UGGT2: variants seen among roughly 807,000 people sequenced by gnomAD.
UGGT2 encodes the protein UDP-glucose:glycoprotein glucosyltransferase 2.
UGGT2 carries 180 observed loss-of-function variants against 192.1 expected under a neutral mutation model. The observed-to-expected ratio is 0.94, with a 90% CI of 0.83 to 1.06. The LOEUF (loss-of-function observed/expected upper bound fraction) is 1.06. UGGT2 is among the 50% of genes least tolerant of loss of function. UGGT2 has a pLI of 0.00. For synonymous variants in UGGT2, 580 were observed against 591.0 expected (o/e 0.98, Z 0.27); for missense variants, 1,849 against 1,795.7 (o/e 1.03, Z -0.54).
chr13:95,985,738 C>T (rs942405086), intron 9 of UGGT2, among the ~76,000 whole-genome samples: 6 of 152,134 alleles, frequency 3.9e-5, no homozygotes, highest in Non-Finnish European at 7.4e-5. Context: ...TCTCATAATA[C>T]GTGGTAACTT....
intron 17 of UGGT2, among the ~76,000 whole-genome samples, chr13:95,935,216 A>T (rs2049423314): frequency 6.6e-6 from 1 of 152,052 alleles, no homozygotes; most frequent in Non-Finnish European, 1.5e-5. Context: ...TTGGTACACG[A>T]GGTTTTGATC....
In UGGT2 at chr13:95,884,651, A is replaced by G; in HGVS notation, c.3068T>C (p.Leu1023Pro). ...AGAAACGTCATTAGCCCCTGACATC[A>G]GTTCTGGTTCCAGAACAAAACGGTA... Reference protein sequence around the residue: ...SFYRFVLEPELMSGANDVSSL... With the variant: ...SFYRFVLEPEPMSGANDVSSL... Residue 1023 changes from leucine to proline, a missense_variant, in exon 27 of 39, where the codon CTG becomes CCG. Transcript: ENST00000376747. 6.2e-7 allele frequency: 1 copy of G among 1,613,386 alleles called. No homozygotes were observed.
At chr13:95,835,642 T>G (rs1887197910) in intron 37 of UGGT2, among the ~76,000 whole-genome samples, 1 of 152,228 alleles carries the variant, frequency 6.6e-6, no homozygotes, top group Non-Finnish European at 1.5e-5. Context: ...CAAAATTGTG[T>G]GAATTCTAAC....
At chr13:95,806,675 T>C (rs1293993739) in intron 38 of UGGT2, among the ~76,000 whole-genome samples, 1 of 152,122 alleles carries the variant, frequency 6.6e-6, no homozygotes, top group African/African-American at 2.4e-5. Flanking sequence ...AACAGTATGG[T>C]ACTGGAATAA....
chr13:95,812,555 C>T (rs1205291486), intron 38 of UGGT2, among the ~76,000 whole-genome samples: 2 of 152,106 alleles, frequency 1.3e-5, no homozygotes, highest in Non-Finnish European at 2.9e-5. Context: ...TGAGAGATTA[C>T]AGGCTAAATG....
intron 12 of UGGT2, among the ~76,000 whole-genome samples, chr13:95,955,933 T>A (rs1219301484): frequency 6.6e-6 from 1 of 152,180 alleles, no homozygotes; most frequent in African/African-American, 2.4e-5. Flanking sequence ...TTCATCTGTA[T>A]AATGGGGATG....
At chr13:95,820,703 C>T (rs1318143353) in intron 38 of UGGT2, among the ~76,000 whole-genome samples, 1 of 151,796 alleles carries the variant, frequency 6.6e-6, no homozygotes, top group Non-Finnish European at 1.5e-5. Context: ...GTACCCGTCA[C>T]CTGAGTAGTG....
At chr13:95,834,263 T>C (rs1400460798) in intron 37 of UGGT2, among the ~76,000 whole-genome samples, 3 of 152,098 alleles carry the variant, frequency 2.0e-5, no homozygotes, top group African/African-American at 7.2e-5. Context: ...ATACACTCTA[T>C]AAGCTTTATT....
chr13:95,962,709 C>G (rs1184970888), intron 12 of UGGT2, among the ~76,000 whole-genome samples: 1 of 152,096 alleles, frequency 6.6e-6, no homozygotes, highest in Non-Finnish European at 1.5e-5. Context: ...ACCAGCATTA[C>G]CCGGATACCA....
In UGGT2 at chr13:96,003,972, A is replaced by T. The variant is rs576284702; in HGVS notation, c.661-4665T>A. On this transcript the variant is annotated intron_variant, in intron 5 of 38. Coordinates refer to ENST00000376747, the MANE Select transcript of UGGT2 (RefSeq NM_020121.4). Reference sequence around the variant, plus strand: ...AAGAGATGACAGATTCCTCTAACAAATTTCTAATTCAAAGAATACCTAGTT... The same window carrying T: ...AAGAGATGACAGATTCCTCTAACAATTTTCTAATTCAAAGAATACCTAGTT... Among the ~76,000 whole-genome samples the T allele has an allele frequency of 2.0e-5, 3 of 152,302 alleles. No individual in the cohort carries two copies. In the East Asian group the frequency reaches 5.8e-4, roughly 29 times the overall value.
intron 17 of UGGT2, among the ~76,000 whole-genome samples, chr13:95,932,722 G>A (rs1273907413): frequency 6.6e-6 from 1 of 152,036 alleles, no homozygotes; most frequent in African/African-American, 2.4e-5. Context: ...TGTTGGTTGT[G>A]GGTTTGTCAT....
chr13:95,867,723 G>A (rs1276409179), intron 29 of UGGT2, among the ~76,000 whole-genome samples: 2 of 151,978 alleles, frequency 1.3e-5, no homozygotes, highest in African/African-American at 2.4e-5. Context: ...ATATACCAAG[G>A]CTATCACACA....
intron 5 of UGGT2, among the ~76,000 whole-genome samples, chr13:96,002,079 C>T (rs1297967131): frequency 6.6e-6 from 1 of 152,142 alleles, no homozygotes; most frequent in Non-Finnish European, 1.5e-5. Flanking sequence ...CAAAGTTATA[C>T]ATATATTTTT....
chr13:95,997,471 C>T (rs2051661210), intron 6 of UGGT2, among the ~76,000 whole-genome samples: 3 of 151,912 alleles, frequency 2.0e-5, no homozygotes, highest in South Asian at 4.2e-4. Flanking sequence ...GGTGAAACCT[C>T]GTCTCTACTA....
At chr13:95,982,183 G>C (rs370002164) in intron 10 of UGGT2, among the ~76,000 whole-genome samples, 2 of 152,270 alleles carry the variant, frequency 1.3e-5, no homozygotes, top group South Asian at 2.1e-4. Flanking sequence ...ATAGCAGTTA[G>C]GAAGAAATTA....
In UGGT2 at chr13:95,894,554, A is replaced by C. The variant is rs762700005; in HGVS notation, c.2855+8T>G. On this transcript the variant is annotated splice_region_variant and intron_variant, in intron 24 of 38. Coordinates refer to ENST00000376747, the MANE Select transcript of UGGT2 (RefSeq NM_020121.4). ...AAAAATCACAAACAAATACGAATAC[A>C]TTCTTACCTGTGATTCTCCCTAAGA... 9 of 1,607,160 alleles carry C rather than the reference A, an allele frequency of 5.6e-6. No individual in the cohort carries two copies. The highest frequency in any genetic ancestry group is 7.7e-6 in the Non-Finnish European group (9 of 1,175,404).
rs1323381607 is a variant in UGGT2, at chr13:95,884,681, C to G, written c.3039-1G>C. 6.3e-7 allele frequency: 1 copy of G among 1,596,822 alleles called. No homozygotes were observed. The highest frequency in any genetic ancestry group is 8.5e-7 in the Non-Finnish European group (1 of 1,174,134). On this transcript the variant is annotated splice_acceptor_variant, in intron 26 of 38. Coordinates refer to ENST00000376747, the MANE Select transcript of UGGT2 (RefSeq NM_020121.4). LOFTEE classifies it high-confidence loss of function. ...TGGTTCCAGAACAAAACGGTAAAAG[C>G]TGTTAATAAAACATAAAAATACATA...
chr13:95,856,372 G>C (rs757777903), intron 33 of UGGT2, 32 bp from the exon 34 acceptor site: 12 of 1,573,366 alleles, frequency 7.6e-6, no homozygotes, highest in Non-Finnish European at 1.0e-5. Context: ...CAAACAATAT[G>C]TTCAAGAGAA....
intron 1 of UGGT2, among the ~76,000 whole-genome samples, chr13:96,032,810 T>G (rs1242096344): frequency 6.6e-6 from 1 of 152,170 alleles, no homozygotes; most frequent in East Asian, 1.9e-4. Flanking sequence ...ATTAACTAAT[T>G]CTTGTGAGTC....
Sources: allele counts gnomAD v4.1 joint callset (sites outside exome capture counted in the v4.1 genomes callset), GRCh38; gene constraint gnomAD v4.1.1; transcripts MANE v1.5; gene names NCBI Gene and HGNC (gene_info 2026-07-23, HGNC 2026-07-21).